Variants in CDON observed in about 807,000 individuals in gnomAD.
The protein encoded by CDON is cell adhesion molecule-related/down-regulated by oncogenes.
A neutral mutation model predicts 120.9 loss-of-function variants in CDON; 73 were observed. The ratio of observed to expected loss-of-function variants is 0.60; its 90% CI spans 0.50 to 0.73. CDON has a LOEUF of 0.73. Among genes scored for constraint, CDON ranks in the 30% least tolerant of loss-of-function variants. The pLI, the probability that CDON is intolerant of heterozygous loss-of-function variation, is 0.00. For synonymous variants in CDON, 566 were observed against 573.5 expected (o/e 0.99, Z 0.19); for missense variants, 1,470 against 1,587.3 (o/e 0.93, Z 1.26).
chr11:126,014,743 T>C (rs1024043519), intron 7 of CDON: 1 of 155,580 alleles, frequency 6.4e-6, no homozygotes, highest in Non-Finnish European at 1.4e-5. Context: ...AAAATACTTT[T>C]TATGTACCAT....
intron 1 of CDON, among the ~76,000 whole-genome samples, chr11:126,024,555 T>C (rs1402926017): frequency 6.6e-6 from 1 of 151,948 alleles, no homozygotes; most frequent in Non-Finnish European, 1.5e-5. Context: ...TTTACTGAAA[T>C]GGGGAAGACT....
chr11:126,022,122 A>AAAAG (rs1194002541), intron 2 of CDON, among the ~76,000 whole-genome samples: 2 of 151,046 alleles, frequency 1.3e-5, no homozygotes, highest in African/African-American at 2.4e-5. Context: ...AAAAAAAAAA[A>AAAAG]AAAGAAAGAA....
rs761110155 is a variant in CDON, at chr11:125,960,928, T to C, written c.*14A>G. The stretch of plus-strand genomic sequence containing the variant: ...CGGCTTGAAGTTGGAACATGACTGG[T>C]TGTTTGCATGTCCTCAGGTTTCCCG... On this transcript the variant is annotated 3_prime_UTR_variant, in exon 20 of 20. Coordinates refer to ENST00000531738, the MANE Select transcript of CDON (RefSeq NM_001378964.1). The C allele has an allele frequency of 1.9e-6, 3 of 1,613,488 alleles. No homozygotes were observed. The highest frequency in any genetic ancestry group is 1.3e-5 in the African/African-American group (1 of 74,908).
intron 16 of CDON, 22 bp downstream of exon 16, chr11:125,983,850 G>C: frequency 6.5e-7 from 1 of 1,536,666 alleles, no homozygotes; most frequent in Non-Finnish European, 9.0e-7. Flanking sequence ...AAAAGAGAAG[G>C]AGATATTTAT....
intron 16 of CDON, among the ~76,000 whole-genome samples, chr11:125,983,635 G>GA (rs1401253471): frequency 6.6e-6 from 1 of 152,164 alleles, no homozygotes; most frequent in Non-Finnish European, 1.5e-5. Flanking sequence ...TTTACTTAGA[G>GA]ACCTGCTTAG....
rs777312776 is a variant in CDON at position 126,015,366 on chromosome 11, T to A, written c.1073A>T (p.His358Leu). 1.2e-6 allele frequency: 2 copies of A among 1,614,160 alleles called. No individual in the cohort carries two copies. The highest frequency in any genetic ancestry group is 3.3e-5 in the Admixed American group (2 of 60,026). ...NAQPIHPSAR[H>L]LTAGNGLKIS... Reference sequence around the variant, plus strand: ...TTTCAGTCCGTTTCCTGCAGTTAGATGTCGTGCAGAAGGATGAATAGGCTG... The same window carrying A: ...TTTCAGTCCGTTTCCTGCAGTTAGAAGTCGTGCAGAAGGATGAATAGGCTG... Residue 358 changes from histidine to leucine, a missense_variant, in exon 7 of 20, where the codon CAT (histidine) becomes CTT (leucine). Transcript: ENST00000531738.
intron 8 of CDON, among the ~76,000 whole-genome samples, 190 bp downstream of exon 8, chr11:126,010,148 CAGA>C (rs1947248781): frequency 6.6e-6 from 1 of 152,146 alleles, no homozygotes; most frequent in Non-Finnish European, 1.5e-5. Flanking sequence ...ACAAACACAT[CAGA>C]AACAGAGACC....
In CDON at chr11:126,017,280, T is replaced by G. The variant is rs1412033288; in HGVS notation, c.736A>C (p.Ser246Arg). ...TACACTTGAGGAGCCGGGACCCCAC[T>G]CACCACACACTCCAAGGTTACAGGG... Reference protein sequence around the residue: ...RSPVTLECVVSGVPAPQVYWL... With the variant: ...RSPVTLECVVRGVPAPQVYWL... The change falls in exon 6 of 20, where the codon AGT (serine) becomes CGT (arginine). Residue 246 changes from serine (S) to arginine (R), a missense_variant. Ser to Arg is a moderately radical substitution (Grantham distance 110, BLOSUM62 -1). Coordinates refer to ENST00000531738, the MANE Select transcript of CDON (RefSeq NM_001378964.1). The G allele has an allele frequency of 1.2e-6, 2 of 1,613,974 alleles. No individual in the cohort carries two copies. The highest frequency in any genetic ancestry group is 3.3e-5 in the Admixed American group (2 of 59,990).
chr11:125,984,169 G>C, intron 15 of CDON, 76 bp from the exon 16 acceptor site: 2 of 1,053,060 alleles, frequency 1.9e-6, no homozygotes, highest in Admixed American at 1.9e-5. Flanking sequence ...TCTGAAGGAG[G>C]TCTGGTTAGG....
rs775403931 is a variant in CDON at position 126,005,936 on chromosome 11, G to A, written c.1674C>T (p.Val558=). 7 of 1,613,996 alleles carry A rather than the reference G, an allele frequency of 4.3e-6. No individual in the cohort carries two copies. Among genetic ancestry groups the A allele is most frequent in the African/African-American group, 1.3e-5 (1 of 74,880 alleles). Residue 558 remains valine, a synonymous_variant, in exon 9 of 20, where the codon GTC becomes GTT. Coordinates refer to ENST00000531738, the MANE Select transcript of CDON (RefSeq NM_001378964.1). The stretch of plus-strand genomic sequence containing the variant: ...GTGCTGATTCCACTGCACTGGGATG[G>A]ACCTTCACCGGAAATGAGCTCAGTA... ...TGLLSSFPVK[V]HPSAVESAPE...
At chr11:125,979,909 C>A (rs1441331458) in intron 17 of CDON, among the ~76,000 whole-genome samples, 3 of 152,104 alleles carry the variant, frequency 2.0e-5, no homozygotes, top group African/African-American at 4.8e-5. Flanking sequence ...CCACAACATA[C>A]AAAAGCTAGG....
chr11:126,037,516 C>T (rs1948132878), intron 1 of CDON, among the ~76,000 whole-genome samples: 1 of 152,088 alleles, frequency 6.6e-6, no homozygotes. Context: ...TACCTATATT[C>T]AAAGTAGTTA....
intron 7 of CDON, among the ~76,000 whole-genome samples, chr11:126,014,135 A>G (rs1260809843): frequency 6.6e-6 from 1 of 152,140 alleles, no homozygotes; most frequent in Non-Finnish European, 1.5e-5. Context: ...GGTCCATATT[A>G]TATTGATTTT....
At chr11:125,999,227 C>T (rs1393851582) in intron 11 of CDON, among the ~76,000 whole-genome samples, 10 of 152,032 alleles carry the variant, frequency 6.6e-5, no homozygotes, top group East Asian at 1.9e-4. Context: ...TATGTTGATT[C>T]GTCTGAAATC....
In CDON at chr11:125,961,049, TA is replaced by T. The variant is rs1395693939; in HGVS notation, c.3687del (p.Ile1230PhefsTer22). ...CAGCCCTCGGGGACAGGTGGCAAAA[TA>T]AGAGCATTCCAACTTACAATGTTGA... ...TEINIVSWNA[L>X]ILPPVPEGCA... On this transcript the variant is annotated frameshift_variant, in exon 20 of 20. Coordinates refer to ENST00000531738, the MANE Select transcript of CDON (RefSeq NM_001378964.1). LOFTEE classifies it high-confidence loss of function. 6.2e-7 allele frequency: 1 copy of T among 1,614,014 alleles called. No individual in the cohort carries two copies. The highest frequency in any genetic ancestry group is 8.5e-7 in the Non-Finnish European group (1 of 1,179,900).
At chr11:125,996,033 G>A (rs553772168) in intron 12 of CDON, among the ~76,000 whole-genome samples, 60 of 152,174 alleles carry the variant, frequency 3.9e-4, no homozygotes, top group African/African-American at 1.3e-3. Flanking sequence ...AAGAACAAAC[G>A]CGTGTTCATC....
intron 1 of CDON, among the ~76,000 whole-genome samples, chr11:126,062,136 C>A (rs1018128312): frequency 6.6e-6 from 1 of 152,168 alleles, no homozygotes; most frequent in Non-Finnish European, 1.5e-5. Flanking sequence ...GAGAAAGATA[C>A]ATTGTGCAGG....
chr11:125,987,584 G>A (rs1946506167), intron 15 of CDON, among the ~76,000 whole-genome samples: 1 of 152,166 alleles, frequency 6.6e-6, no homozygotes, highest in African/African-American at 2.4e-5. Flanking sequence ...AAGTCTGTAG[G>A]TAGAACCTTT....
At chr11:126,008,108 A>G (rs1947180163) in intron 8 of CDON, among the ~76,000 whole-genome samples, 1 of 152,186 alleles carries the variant, frequency 6.6e-6, no homozygotes, top group Non-Finnish European at 1.5e-5. Context: ...CAAACTATTT[A>G]GGAAACCCGC....
Sources: allele counts gnomAD v4.1 joint callset (sites outside exome capture counted in the v4.1 genomes callset), GRCh38; gene constraint gnomAD v4.1.1; transcripts MANE v1.5; gene names NCBI Gene and HGNC (gene_info 2026-07-23, HGNC 2026-07-21).